The following AGPAT4 variants were observed in gnomAD, a reference collection of about 807,000 sequenced individuals.
AGPAT4 encodes the protein 1-acylglycerol-3-phosphate O-acyltransferase 4.
A neutral mutation model predicts 48.0 loss-of-function variants in AGPAT4; 15 were observed. That is an observed-to-expected ratio of 0.31 (90% CI 0.21 to 0.48). The LOEUF (loss-of-function observed/expected upper bound fraction) is 0.48, where lower values mean the gene tolerates loss of function less well. Ranked by LOEUF, AGPAT4 falls within the 20% of genes least tolerant of loss-of-function variation. The pLI is 0.99. For synonymous variants in AGPAT4, 178 were observed against 198.7 expected, an observed-to-expected ratio of 0.90 and a Z score of 0.88; for missense variants, 314 against 482.5, an observed-to-expected ratio of 0.65 and a Z score of 3.27.
intron 3 of AGPAT4, among the ~76,000 whole-genome samples, chr6:161,163,568 G>A (rs1010406775): frequency 4.6e-5 from 7 of 152,196 alleles, no homozygotes; most frequent in African/African-American, 1.7e-4. Flanking sequence ...CCTGTGACAT[G>A]GGGAGGGGGT....
At chr6:161,188,992 C>T (rs1351963635) in intron 2 of AGPAT4, among the ~76,000 whole-genome samples, 1 of 152,212 alleles carries the variant, frequency 6.6e-6, no homozygotes, top group African/African-American at 2.4e-5. Flanking sequence ...AGTCCTCTTG[C>T]TTTGCTGGCC....
intron 2 of AGPAT4, among the ~76,000 whole-genome samples, chr6:161,191,810 A>G (rs1227014969): frequency 6.6e-6 from 1 of 152,220 alleles, no homozygotes; most frequent in Non-Finnish European, 1.5e-5. Context: ...TACACATAGC[A>G]TGGACAAAAC....
Position 161,143,850 on chromosome 6 carries a change from A to T in AGPAT4, c.843+2674T>A. 3.5e-6 allele frequency: 1 copy of T among 282,758 alleles called. No homozygotes were observed. Among genetic ancestry groups the T allele is most frequent in the Non-Finnish European group, 7.0e-6 (1 of 143,574 alleles). The allele number at this position is 282,758 out of a possible 1,614,324, so 17.5% of individuals were successfully genotyped here. A position where few individuals can be genotyped will look rare whatever the true frequency, so the allele number is the denominator to read the frequency against. The stretch of plus-strand genomic sequence containing the variant: ...TGCTTGGAAAGACCAGAATGTTGGC[A>T]CACCTCTGTTGGCTGCCTGCCATTC... On this transcript the variant is annotated intron_variant, in intron 7 of 8. Coordinates refer to ENST00000320285, the MANE Select transcript of AGPAT4 (RefSeq NM_020133.3). The surrounding 1 kb of genome is among the most constrained non-coding windows in gnomAD (Gnocchi z 4.7).
rs895956130 is a variant in AGPAT4, at chr6:161,244,500, C to G, written c.-89-12198G>C. Among the ~76,000 whole-genome samples the G allele has an allele frequency of 6.6e-6, 1 of 152,118 alleles. No individual in the cohort carries two copies. The highest frequency in any genetic ancestry group is 6.5e-5 in the Admixed American group (1 of 15,284). ...CATTTAGTATTTTCATGTTTAATAACCATTGGGGAAAGGGTTACAAGCGTA... is the reference window on the plus strand; with the variant it reads ...CATTTAGTATTTTCATGTTTAATAAGCATTGGGGAAAGGGTTACAAGCGTA... On this transcript the variant is annotated intron_variant, in intron 1 of 8. Transcript: ENST00000320285. The surrounding 1 kb of genome is among the most constrained non-coding windows in gnomAD (Gnocchi z 4.7).
chr6:161,153,689 ACAGCCCTGGTGTCATGCC>A (rs1779664259), intron 4 of AGPAT4, among the ~76,000 whole-genome samples, 190 bp from the exon 5 acceptor site: 1 of 149,562 alleles, frequency 6.7e-6, no homozygotes, highest in African/African-American at 2.5e-5. Context: ...GGGGTCACAC[ACAGCCCTGGTGTCATGCC>A]TGGCCCTGGG....
intron 2 of AGPAT4, among the ~76,000 whole-genome samples, chr6:161,186,708 C>T (rs1780779971): frequency 6.6e-6 from 1 of 152,074 alleles, no homozygotes; most frequent in Non-Finnish European, 1.5e-5. Context: ...CTCCAGGCCA[C>T]CCTCTCCTTC....
rs146484921 is a variant in AGPAT4 at position 161,193,285 on chromosome 6, A to T, written c.179-26868T>A. 2.0e-3 allele frequency among the ~76,000 whole-genome samples: 298 copies of T among 152,168 alleles called. 1 individual carries two copies. Among genetic ancestry groups the T allele is most frequent in the African/African-American group, 6.9e-3 (286 of 41,528 alleles). On this transcript the variant is annotated intron_variant, in intron 2 of 8. Transcript: ENST00000320285. ...CCAGCTGTGTTTAAGCTGACATGAA[A>T]CCCATACGGTGAGCTTTTCAATCCA...
Position 161,149,357 on chromosome 6 carries a change from C to T in AGPAT4, c.665-68G>A, listed in dbSNP as rs2062567715. 1 of 1,389,020 alleles carries T rather than the reference C, an allele frequency of 7.2e-7. No homozygotes were observed. The highest frequency in any genetic ancestry group is 2.4e-5 in the Admixed American group (1 of 42,024). 86.0% of individuals were successfully genotyped at this position (1,389,020 alleles called of 1,614,324 possible). On this transcript the variant is annotated intron_variant, in intron 5 of 8. Transcript: ENST00000320285. This position sits in a 1 kb window ranked among gnomAD's most constrained non-coding sequence, Gnocchi z 6.5. Reference sequence around the variant, plus strand: ...AACCCAATTTTGTTCTGTAGATACACACATTGGAAGACAATAATCAAATGG... The same window carrying T: ...AACCCAATTTTGTTCTGTAGATACATACATTGGAAGACAATAATCAAATGG...
rs987683291 is a variant in AGPAT4 at position 161,266,545 on chromosome 6, A to C, written c.-90+7393T>G. ...GGTGATGGGAGAGCGTCAGGAAAGCAGAGGCTGGAGGCAGATGCTAGAAAT... is the reference window on the plus strand; with the variant it reads ...GGTGATGGGAGAGCGTCAGGAAAGCCGAGGCTGGAGGCAGATGCTAGAAAT... On this transcript the variant is annotated intron_variant, in intron 1 of 8. Coordinates refer to ENST00000320285, the MANE Select transcript of AGPAT4 (RefSeq NM_020133.3). The surrounding 1 kb of genome is among the most constrained non-coding windows in gnomAD (Gnocchi z 6.2). 4.7e-4 allele frequency among the ~76,000 whole-genome samples: 72 copies of C among 152,362 alleles called. 1 individual carries two copies. The highest frequency in any genetic ancestry group is 1.5e-3 in the African/African-American group (61 of 41,592).
At chr6:161,183,219 G>A (rs1780650787) in intron 2 of AGPAT4, among the ~76,000 whole-genome samples, 1 of 152,124 alleles carries the variant, frequency 6.6e-6, no homozygotes, top group Non-Finnish European at 1.5e-5. Flanking sequence ...TGCTGATGTG[G>A]AGCCTGCTGA....
Position 161,155,498 on chromosome 6 carries a change from G to A in AGPAT4, c.349-1188C>T, listed in dbSNP as rs945767930. ...CAGCTCAGCACAGGGTCAGTAAGCC[G>A]TGTCCCCCAACCTACTGGCAGAACA... On this transcript the variant is annotated intron_variant, in intron 3 of 8. Coordinates refer to ENST00000320285, the MANE Select transcript of AGPAT4 (RefSeq NM_020133.3). The surrounding 1 kb of genome is among the most constrained non-coding windows in gnomAD (Gnocchi z 5.8). Among the ~76,000 whole-genome samples the A allele has an allele frequency of 7.9e-5, 12 of 152,218 alleles. No individual in the cohort carries two copies. The highest frequency in any genetic ancestry group is 5.9e-4 in the Admixed American group (9 of 15,292).
Position 161,136,452 on chromosome 6 carries a change from C to T in AGPAT4, c.*88G>A. 7.9e-7 allele frequency: 1 copy of T among 1,272,152 alleles called. No individual in the cohort carries two copies. Among genetic ancestry groups the T allele is most frequent in the East Asian group, 2.3e-5 (1 of 42,768 alleles). The allele number at this position is 1,272,152 out of a possible 1,614,324, so 78.8% of individuals were successfully genotyped here. A position where few individuals can be genotyped will look rare whatever the true frequency, so the allele number is the denominator to read the frequency against. ...CCGCCGTGCCCAGCAGGGGCTCACCCAGCCTTTGTCACCGTGTCCCACTAA... is the reference window on the plus strand; with the variant it reads ...CCGCCGTGCCCAGCAGGGGCTCACCTAGCCTTTGTCACCGTGTCCCACTAA... On this transcript the variant is annotated 3_prime_UTR_variant, in exon 9 of 9. Transcript: ENST00000320285.
Position 161,146,602 on chromosome 6 carries a change from G to T in AGPAT4, c.768-3C>A. On this transcript the variant is annotated splice_polypyrimidine_tract_variant and splice_region_variant and intron_variant, in intron 6 of 8. Coordinates refer to ENST00000320285, the MANE Select transcript of AGPAT4 (RefSeq NM_020133.3). This position sits in a 1 kb window ranked among gnomAD's most constrained non-coding sequence, Gnocchi z 7.1. ...GGATGTCTTCCAGTGGGATCCTCCT[G>T]CAAAGGCAGAGAGCAGCTAGCAGAG... is the stretch of plus-strand genomic sequence containing the variant. The T allele has an allele frequency of 6.2e-7, 1 of 1,614,034 alleles. No homozygotes were observed. Among genetic ancestry groups the T allele is most frequent in the Non-Finnish European group, 8.5e-7 (1 of 1,179,984 alleles).
chr6:161,208,479 A>T lies in AGPAT4; in HGVS notation c.178+23557T>A, dbSNP rs1437096767. On this transcript the variant is annotated intron_variant, in intron 2 of 8. Transcript: ENST00000320285. This position sits in a 1 kb window ranked among gnomAD's most constrained non-coding sequence, Gnocchi z 4.6. The stretch of plus-strand genomic sequence containing the variant: ...ACCCCCAACATCTGCAGGTTTAAGC[A>T]TTTTTTTTTTCCATAATGTTCACAA... 2.0e-5 allele frequency among the ~76,000 whole-genome samples: 3 copies of T among 150,324 alleles called. No homozygotes were observed. Among genetic ancestry groups the T allele is most frequent in the African/African-American group, 2.4e-5 (1 of 40,898 alleles).
chr6:161,209,811 G>T (rs1476163314), intron 2 of AGPAT4, among the ~76,000 whole-genome samples: 1 of 152,162 alleles, frequency 6.6e-6, no homozygotes, highest in Admixed American at 6.5e-5. Flanking sequence ...GGCATAAATA[G>T]ATGATTGGTC....
rs6905521 is a variant in AGPAT4, at chr6:161,245,300, A to G, written c.-89-12998T>C. On this transcript the variant is annotated intron_variant, in intron 1 of 8. Transcript: ENST00000320285. This position sits in a 1 kb window ranked among gnomAD's most constrained non-coding sequence, Gnocchi z 5.2. The stretch of plus-strand genomic sequence containing the variant: ...GTACTGACATACACGCCGGCCCCAC[A>G]GGGGTGATGGGAGACTTCAGGAGGT... Among the ~76,000 whole-genome samples, 1,087 of 152,276 alleles carry G rather than the reference A, an allele frequency of 7.1e-3. 19 individuals carry two copies. Among genetic ancestry groups the G allele is most frequent in the African/African-American group, 0.025 (1,029 of 41,562 alleles).
chr6:161,197,177 A>AT lies in AGPAT4; in HGVS notation c.179-30761dup. On this transcript the variant is annotated intron_variant, in intron 2 of 8. Coordinates refer to ENST00000320285, the MANE Select transcript of AGPAT4 (RefSeq NM_020133.3). The surrounding 1 kb of genome is among the most constrained non-coding windows in gnomAD (Gnocchi z 5.7). The stretch of plus-strand genomic sequence containing the variant: ...GATGGGCCATTTGGAAAAAAATGAG[A>AT]TAAACCAATGCTTTTCCCTTTGGCC... Among the ~76,000 whole-genome samples the AT allele has an allele frequency of 6.6e-6, 1 of 152,144 alleles. No homozygotes were observed. The highest frequency in any genetic ancestry group is 1.9e-4 in the East Asian group (1 of 5,182).
At chr6:161,258,908 T>C (rs1783022087) in intron 1 of AGPAT4, among the ~76,000 whole-genome samples, 1 of 151,932 alleles carries the variant, frequency 6.6e-6, no homozygotes, top group African/African-American at 2.4e-5. Flanking sequence ...GAGATTCTCA[T>C]GCCTCAGCCT....
chr6:161,238,340 A>G lies in AGPAT4; in HGVS notation c.-89-6038T>C, dbSNP rs956488416. On this transcript the variant is annotated intron_variant, in intron 1 of 8. Coordinates refer to ENST00000320285, the MANE Select transcript of AGPAT4 (RefSeq NM_020133.3). This position sits in a 1 kb window ranked among gnomAD's most constrained non-coding sequence, Gnocchi z 5.2. The stretch of plus-strand genomic sequence containing the variant: ...GATGCCTGGAACGGGGAAAACCCCA[A>G]GTAATGGGGGATTTTTCTATCATTT... Among the ~76,000 whole-genome samples the G allele has an allele frequency of 1.3e-5, 2 of 152,234 alleles. No homozygotes were observed. The highest frequency in any genetic ancestry group is 2.9e-5 in the Non-Finnish European group (2 of 68,036).
Sources: allele counts gnomAD v4.1 joint callset (sites outside exome capture counted in the v4.1 genomes callset), GRCh38; gene constraint gnomAD v4.1.1; non-coding constraint Gnocchi (gnomAD v3.1); transcripts MANE v1.5; gene names NCBI Gene and HGNC (gene_info 2026-07-23, HGNC 2026-07-21).